KIF6: variants seen among roughly 807,000 people sequenced by gnomAD.
KIF6 encodes kinesin-like protein KIF6.
In KIF6, 106 loss-of-function variants were observed where a neutral mutation model predicts 112.7. The observed-to-expected ratio is 0.94, with a 90% CI of 0.80 to 1.11. KIF6 has a LOEUF of 1.11. Among genes scored for constraint, KIF6 ranks in the 50% least tolerant of loss-of-function variants. KIF6 has a pLI of 0.00. For synonymous variants in KIF6, 339 were observed against 339.9 expected, an observed-to-expected ratio of 1.00 and a Z score of 0.03; for missense variants, 929 against 964.0, an observed-to-expected ratio of 0.96 and a Z score of 0.48.
chr6:39,340,364 G>A (rs532571036), intron 22 of KIF6, among the ~76,000 whole-genome samples: 2 of 152,280 alleles, frequency 1.3e-5, no homozygotes, highest in Non-Finnish European at 2.9e-5. Flanking sequence ...CGTCAATGCT[G>A]GTTCCTGTTC....
chr6:39,714,703 T>TG lies in KIF6; in HGVS notation c.239dup (p.Val81SerfsTer36). The TG allele has an allele frequency of 1.2e-6, 2 of 1,613,452 alleles. No individual in the cohort carries two copies. Among genetic ancestry groups the TG allele is most frequent in the Non-Finnish European group, 1.7e-6 (2 of 1,179,504 alleles). ...ATGGGAAATCCTACCTCCCAGCAAC[T>TG]GGTTTGGCAATGTTTTCAAAAACGG... On this transcript the variant is annotated frameshift_variant, in exon 3 of 23. Coordinates refer to ENST00000287152, the MANE Select transcript of KIF6 (RefSeq NM_145027.6). LOFTEE classifies it high-confidence loss of function.
chr6:39,427,161 A>G, intron 14 of KIF6, among the ~76,000 whole-genome samples: 1 of 151,802 alleles, frequency 6.6e-6, no homozygotes, highest in African/African-American at 2.4e-5. Context: ...CCCTAAGTCA[A>G]CCCCCTCCAG....
intron 3 of KIF6, among the ~76,000 whole-genome samples, chr6:39,700,913 TG>T (rs1788844376): frequency 6.6e-6 from 1 of 152,092 alleles, no homozygotes; most frequent in Non-Finnish European, 1.5e-5. Flanking sequence ...AGGGCCAAGC[TG>T]GTCTTGAACT....
At chr6:39,702,344 T>C (rs1209800017) in intron 3 of KIF6, among the ~76,000 whole-genome samples, 1 of 152,156 alleles carries the variant, frequency 6.6e-6, no homozygotes, top group Non-Finnish European at 1.5e-5. Context: ...TCCTATACCA[T>C]AAGCAGGCAG....
Position 39,539,299 on chromosome 6 carries a change from C to A in KIF6, c.1645+704G>T, listed in dbSNP as rs1052052730. Among the ~76,000 whole-genome samples, 3 of 151,620 alleles carry A rather than the reference C, an allele frequency of 2.0e-5. No homozygotes were observed. The South Asian group carries it at 6.3e-4, about 32-fold the overall frequency. ...GGCCCAACCCTGCCAAATGCTATTA[C>A]GTGACAAAGTTTTATTAATTTATTG... On this transcript the variant is annotated intron_variant, in intron 13 of 22. Coordinates refer to ENST00000287152, the MANE Select transcript of KIF6 (RefSeq NM_145027.6).
chr6:39,704,680 C>T (rs947220729), intron 3 of KIF6, among the ~76,000 whole-genome samples: 1 of 152,094 alleles, frequency 6.6e-6, no homozygotes, highest in South Asian at 2.1e-4. Flanking sequence ...GGACATAGAG[C>T]TAATAAGTAT....
At position 39,545,601 on chromosome 6, in the gene KIF6, G is replaced by T. The variant is rs1366479769; in HGVS notation, c.1269C>A (p.His423Gln). Reference protein sequence around the residue: ...EVGADMRKVHHCFHHLKKLLN... With the variant: ...EVGADMRKVHQCFHHLKKLLN... ...AGTTTACCTTTAAATGATGAAAACAGTGATGAACTTTACGCATATCCGCGC... is the reference window on the plus strand; with the variant it reads ...AGTTTACCTTTAAATGATGAAAACATTGATGAACTTTACGCATATCCGCGC... The change falls in exon 11 of 23, where the codon CAC becomes CAA. Residue 423 changes from histidine (H) to glutamine (Q), a missense_variant. Coordinates refer to ENST00000287152, the MANE Select transcript of KIF6 (RefSeq NM_145027.6). 1.2e-6 allele frequency: 2 copies of T among 1,610,974 alleles called. No individual in the cohort carries two copies. Among genetic ancestry groups the T allele is most frequent in the Non-Finnish European group, 1.7e-6 (2 of 1,177,320 alleles).
rs1030039385 is a variant in KIF6 at position 39,535,016 on chromosome 6, A to G, written c.1645+4987T>C. Reference sequence around the variant, plus strand: ...ACTTTACAGACAAGCAAATGCTGAGAGATTTTGTCACCGCCAGGCCTGCCC... The same window carrying G: ...ACTTTACAGACAAGCAAATGCTGAGGGATTTTGTCACCGCCAGGCCTGCCC... On this transcript the variant is annotated intron_variant, in intron 13 of 22. Coordinates refer to ENST00000287152, the MANE Select transcript of KIF6 (RefSeq NM_145027.6). Among the ~76,000 whole-genome samples, 165 of 152,228 alleles carry G rather than the reference A, an allele frequency of 1.1e-3. 2 individuals are homozygous for G. Among genetic ancestry groups the G allele is most frequent in the Non-Finnish European group, 3.1e-4 (21 of 68,048 alleles).
chr6:39,602,889 T>C (rs1582246547), intron 6 of KIF6, among the ~76,000 whole-genome samples: 1 of 152,168 alleles, frequency 6.6e-6, no homozygotes, highest in Non-Finnish European at 1.5e-5. Context: ...TTTATCTTCA[T>C]GAATTCCCTG....
intron 13 of KIF6, among the ~76,000 whole-genome samples, chr6:39,442,103 C>T (rs1771951487): frequency 6.6e-6 from 1 of 152,224 alleles, no homozygotes; most frequent in African/African-American, 2.4e-5. Context: ...GCAACCCACA[C>T]TGGCCCAGCA....
chr6:39,582,255 C>T (rs372715290), intron 9 of KIF6, among the ~76,000 whole-genome samples: 1 of 152,194 alleles, frequency 6.6e-6, no homozygotes, highest in African/African-American at 2.4e-5. Flanking sequence ...TACAGTTATG[C>T]CTCCCATCCA....
intron 3 of KIF6, among the ~76,000 whole-genome samples, chr6:39,692,803 C>T (rs539963326): frequency 6.6e-6 from 1 of 152,062 alleles, no homozygotes; most frequent in South Asian, 2.1e-4. Flanking sequence ...ATTTGCAATA[C>T]ATGAGATGAA....
intron 3 of KIF6, among the ~76,000 whole-genome samples, chr6:39,659,955 C>T (rs1032988376): frequency 3.3e-5 from 5 of 152,024 alleles, no homozygotes; most frequent in Non-Finnish European, 7.4e-5. Flanking sequence ...TGAGAACTGG[C>T]CAACCTAGCC....
chr6:39,677,636 T>C (rs373260183), intron 3 of KIF6, among the ~76,000 whole-genome samples: 5 of 141,548 alleles, frequency 3.5e-5, no homozygotes, highest in African/African-American at 5.3e-5. Flanking sequence ...CACCCACTAA[T>C]GTGTCATCTA....
At chr6:39,724,246 G>A (rs962172957) in intron 1 of KIF6, among the ~76,000 whole-genome samples, 1 of 152,182 alleles carries the variant, frequency 6.6e-6, no homozygotes, top group Admixed American at 6.5e-5. Flanking sequence ...ATCAGGAGGA[G>A]ATCGAGACCA....
At chr6:39,473,588 G>T (rs1325316508) in intron 13 of KIF6, among the ~76,000 whole-genome samples, 2 of 152,166 alleles carry the variant, frequency 1.3e-5, no homozygotes, top group African/African-American at 4.8e-5. Flanking sequence ...GTATGCAGTA[G>T]ATTTTTAGAA....
chr6:39,641,352 G>A (rs1207679031), intron 3 of KIF6, among the ~76,000 whole-genome samples: 1 of 152,034 alleles, frequency 6.6e-6, no homozygotes, highest in Non-Finnish European at 1.5e-5. Context: ...TAGGGACATG[G>A]ATGAAGCTGG....
intron 15 of KIF6, among the ~76,000 whole-genome samples, chr6:39,390,045 A>AG (rs1215858182): frequency 3.3e-5 from 5 of 151,408 alleles, no homozygotes; most frequent in African/African-American, 1.2e-4. Flanking sequence ...AAAAAAAAAA[A>AG]AAAAAAAGGA....
intron 13 of KIF6, among the ~76,000 whole-genome samples, chr6:39,473,599 T>C (rs1295007067): frequency 1.3e-5 from 2 of 152,228 alleles, no homozygotes; most frequent in African/African-American, 4.8e-5. Flanking sequence ...ATTTTTAGAA[T>C]GATATTTCTC....
Sources: allele counts gnomAD v4.1 joint callset (sites outside exome capture counted in the v4.1 genomes callset), GRCh38; gene constraint gnomAD v4.1.1; transcripts MANE v1.5; gene names NCBI Gene and HGNC (gene_info 2026-07-23, HGNC 2026-07-21).